The following STX8 variants were observed in gnomAD, a reference collection of about 807,000 sequenced individuals.
STX8 encodes the protein syntaxin 8.
Under a neutral mutation model 37.5 loss-of-function variants are expected in STX8, and 23 were observed. The observed-to-expected ratio is 0.61, with a 90% CI of 0.44 to 0.87. STX8 has a LOEUF of 0.87. STX8 is among the 40% of genes least tolerant of loss of function. The probability of loss-of-function intolerance (pLI) is 0.00; values close to 1 mark genes in which losing one functional copy is unlikely to be tolerated. For missense variants in STX8, 313 were observed against 284.7 expected, an observed-to-expected ratio of 1.10 and a Z score of -0.71; for synonymous variants, 115 against 99.1, an observed-to-expected ratio of 1.16 and a Z score of -0.95.
At chr17:9,333,969 G>A (rs1910055198) in intron 7 of STX8, among the ~76,000 whole-genome samples, 1 of 152,118 alleles carries the variant, frequency 6.6e-6, no homozygotes, top group Non-Finnish European at 1.5e-5. Context: ...CAGGAGACTG[G>A]AGTTTTATTA....
intron 6 of STX8, among the ~76,000 whole-genome samples, chr17:9,473,173 C>A (rs191141303): frequency 6.8e-4 from 104 of 152,156 alleles, no homozygotes; most frequent in Middle Eastern, 3.4e-3. Flanking sequence ...CCCACCACCA[C>A]ACCTGGCTAA....
At chr17:9,309,193 A>G (rs1909106712) in intron 7 of STX8, among the ~76,000 whole-genome samples, 1 of 152,162 alleles carries the variant, frequency 6.6e-6, no homozygotes, top group South Asian at 2.1e-4. Flanking sequence ...CTCTAGAAGG[A>G]CATTTTTCTC....
At chr17:9,568,955 C>G (rs555338087) in intron 1 of STX8, among the ~76,000 whole-genome samples, 6 of 152,200 alleles carry the variant, frequency 3.9e-5, no homozygotes, top group Non-Finnish European at 8.8e-5. Flanking sequence ...TTGAAGGCTT[C>G]GTTAGTAATA....
At chr17:9,415,603 A>G (rs1216873173) in intron 6 of STX8, among the ~76,000 whole-genome samples, 1 of 152,004 alleles carries the variant, frequency 6.6e-6, no homozygotes, top group African/African-American at 2.4e-5. Flanking sequence ...CCCCATCTCT[A>G]CTAAAAATAC....
chr17:9,368,479 C>T (rs1480988196), intron 7 of STX8, among the ~76,000 whole-genome samples: 1 of 152,126 alleles, frequency 6.6e-6, no homozygotes, highest in East Asian at 1.9e-4. Flanking sequence ...GGTGACAGAG[C>T]GAGACTCCAT....
At chr17:9,539,576 G>A (rs1906194736) in intron 4 of STX8, among the ~76,000 whole-genome samples, 1 of 152,138 alleles carries the variant, frequency 6.6e-6, no homozygotes, top group African/African-American at 2.4e-5. Flanking sequence ...TTCTGACAAG[G>A]CTTTCTGGCC....
chr17:9,268,914 G>A (rs770668724), intron 7 of STX8, among the ~76,000 whole-genome samples: 2 of 152,204 alleles, frequency 1.3e-5, no homozygotes, highest in Non-Finnish European at 2.9e-5. Flanking sequence ...CAGGCCGGGT[G>A]CAGTGGCTCA....
rs77886998 is a variant in STX8 at position 9,427,423 on chromosome 17, G to A, written c.542-48770C>T. Among the ~76,000 whole-genome samples the A allele has an allele frequency of 9.9e-5, 15 of 152,104 alleles. No homozygotes were observed. The South Asian group carries it at 1.7e-3, about 17-fold the overall frequency. On this transcript the variant is annotated intron_variant, in intron 6 of 7. Coordinates refer to ENST00000306357, the MANE Select transcript of STX8 (RefSeq NM_004853.3). Reference sequence around the variant, plus strand: ...AAGGAGCAGGACAAAAATCCATGTCGGTATTTCTGCTATAATGTGATATAT... The same window carrying A: ...AAGGAGCAGGACAAAAATCCATGTCAGTATTTCTGCTATAATGTGATATAT...
intron 6 of STX8, among the ~76,000 whole-genome samples, chr17:9,416,842 T>C (rs1039339720): frequency 2.0e-5 from 3 of 152,168 alleles, no homozygotes; most frequent in Non-Finnish European, 2.9e-5. Context: ...AGCCAGTGTT[T>C]TGGAGGTCAC....
chr17:9,526,169 C>T (rs1597724468), intron 4 of STX8, among the ~76,000 whole-genome samples: 1 of 151,886 alleles, frequency 6.6e-6, no homozygotes, highest in African/African-American at 2.4e-5. Flanking sequence ...TTCAAAAGTA[C>T]GAGAGACAAA....
chr17:9,288,457 C>G (rs904507863), intron 7 of STX8, among the ~76,000 whole-genome samples: 1 of 151,556 alleles, frequency 6.6e-6, no homozygotes, highest in Non-Finnish European at 1.5e-5. Context: ...ATCAAGAGAT[C>G]GAGACCATCC....
At chr17:9,270,634 T>G (rs1470287922) in intron 7 of STX8, among the ~76,000 whole-genome samples, 1 of 152,120 alleles carries the variant, frequency 6.6e-6, no homozygotes, top group Non-Finnish European at 1.5e-5. Flanking sequence ...TAGTAAGTGC[T>G]CAGTAAATAT....
At chr17:9,338,115 G>GTGATCTTGGC (rs1910199224) in intron 7 of STX8, among the ~76,000 whole-genome samples, 1 of 144,296 alleles carries the variant, frequency 6.9e-6, no homozygotes, top group African/African-American at 2.6e-5. Flanking sequence ...GTGCAATGGT[G>GTGATCTTGGC]TGATCTTGGC....
chr17:9,567,901 GT>G (rs1477405766), intron 2 of STX8, among the ~76,000 whole-genome samples: 1 of 152,096 alleles, frequency 6.6e-6, no homozygotes, highest in Middle Eastern at 3.2e-3. Flanking sequence ...GCCCAGGCTG[GT>G]CTCGAATTCT....
At chr17:9,371,829 T>A (rs1207026785) in intron 7 of STX8, among the ~76,000 whole-genome samples, 1 of 152,192 alleles carries the variant, frequency 6.6e-6, no homozygotes, top group Non-Finnish European at 1.5e-5. Context: ...TTGTCATTTT[T>A]AAAATATATT....
At chr17:9,484,274 T>C (rs1202201729) in intron 6 of STX8, among the ~76,000 whole-genome samples, 1 of 149,804 alleles carries the variant, frequency 6.7e-6, no homozygotes, top group African/African-American at 2.5e-5. Flanking sequence ...TACAGACAAG[T>C]AAATGTCAAT....
intron 7 of STX8, among the ~76,000 whole-genome samples, chr17:9,255,505 C>T (rs1215607002): frequency 2.0e-5 from 3 of 150,668 alleles, no homozygotes; most frequent in Non-Finnish European, 4.4e-5. Context: ...CCAGCCTGGG[C>T]AACAGAGCAA....
chr17:9,545,978 G>A (rs1279227458), intron 3 of STX8, among the ~76,000 whole-genome samples: 1 of 152,044 alleles, frequency 6.6e-6, no homozygotes, highest in Non-Finnish European at 1.5e-5. Flanking sequence ...AGTGTTCCAG[G>A]GCATTTTCCT....
At position 9,345,847 on chromosome 17, in the gene STX8, C is replaced by A. The variant is rs576236739; in HGVS notation, c.643+32705G>T. Reference sequence around the variant, plus strand: ...GCATTATACCTCCGGGTTATGCATTCCTTTTTTTTTTTTTTTTTTTTGAGA... The same window carrying A: ...GCATTATACCTCCGGGTTATGCATTACTTTTTTTTTTTTTTTTTTTTGAGA... On this transcript the variant is annotated intron_variant, in intron 7 of 7. Transcript: ENST00000306357. Among the ~76,000 whole-genome samples, 5 of 9,830 alleles carry A rather than the reference C, an allele frequency of 5.1e-4. No individual in the cohort carries two copies. In the East Asian group the frequency reaches 0.011, roughly 21 times the overall value. The allele number at this position is 9,830 out of a possible 152,430, so 6.4% of individuals were successfully genotyped here. A position where few individuals can be genotyped will look rare whatever the true frequency, so the allele number is the denominator to read the frequency against.
Sources: gnomAD v4.1 joint callset for allele counts (sites outside exome capture counted in the v4.1 genomes callset) on GRCh38, gnomAD v4.1.1 for gene constraint, MANE v1.5 for transcripts, NCBI Gene and HGNC (gene_info 2026-07-23, HGNC 2026-07-21) for gene names.